Variants in GFRA1 observed in about 807,000 individuals in gnomAD.
GFRA1 encodes the protein GDNF family receptor alpha-1.
GFRA1 carries 16 observed loss-of-function variants against 51.6 expected under a neutral mutation model. The observed-to-expected ratio is 0.31, with a 90% CI of 0.21 to 0.47. The LOEUF (loss-of-function observed/expected upper bound fraction) is 0.47, where lower values mean the gene tolerates loss of function less well. GFRA1 is among the 20% of genes least tolerant of loss of function. The pLI, the probability that GFRA1 is intolerant of heterozygous loss-of-function variation, is 1.00. For synonymous variants in GFRA1, 270 were observed against 241.3 expected (o/e 1.12, Z -1.10); for missense variants, 530 against 594.3 (o/e 0.89, Z 1.13).
rs139810181 is a variant in GFRA1, at chr10:116,195,729, G to A, written c.433+15902C>T. ...AAACTGATTGCTATATCAGGGAAAG[G>A]TAAGAGAAATCAGCATTTGGGCACT... is the stretch of plus-strand genomic sequence containing the variant. On this transcript the variant is annotated intron_variant, in intron 5 of 10. Transcript: ENST00000355422. Among the ~76,000 whole-genome samples the A allele has an allele frequency of 2.2e-3, 337 of 152,296 alleles. 1 individual carries two copies. Among genetic ancestry groups the A allele is most frequent in the Admixed American group, 4.5e-3 (69 of 15,302 alleles).
At chr10:116,067,614 T>G (rs1285883962) in intron 9 of GFRA1, among the ~76,000 whole-genome samples, 1 of 152,202 alleles carries the variant, frequency 6.6e-6, no homozygotes, top group African/African-American at 2.4e-5. Context: ...TGACACTCAT[T>G]AGCTATACTG....
At chr10:116,164,635 A>G (rs1299016591) in intron 5 of GFRA1, among the ~76,000 whole-genome samples, 2 of 152,194 alleles carry the variant, frequency 1.3e-5, no homozygotes, top group African/African-American at 4.8e-5. Flanking sequence ...GCCAGATCCT[A>G]TTTAATATAC....
At chr10:116,191,352 ACCATATGTTG>A (rs1038134106) in intron 5 of GFRA1, among the ~76,000 whole-genome samples, 8 of 152,214 alleles carry the variant, frequency 5.3e-5, no homozygotes, top group African/African-American at 1.9e-4. Flanking sequence ...ATACATTTTC[ACCATATGTTG>A]CCAAATAAGA....
intron 4 of GFRA1, among the ~76,000 whole-genome samples, chr10:116,230,508 A>G (rs1966608721): frequency 6.6e-6 from 1 of 152,222 alleles, no homozygotes. Context: ...CAGGGAAGAC[A>G]CACACATATA....
At chr10:116,131,194 G>GC (rs1233518600) in intron 5 of GFRA1, among the ~76,000 whole-genome samples, 3 of 152,122 alleles carry the variant, frequency 2.0e-5, no homozygotes, top group Non-Finnish European at 2.9e-5. Context: ...TCAGAGAAAT[G>GC]CAAAATGAAA....
chr10:116,267,358 C>G (rs747794852), intron 4 of GFRA1, among the ~76,000 whole-genome samples: 1 of 151,836 alleles, frequency 6.6e-6, no homozygotes, highest in Non-Finnish European at 1.5e-5. Context: ...CCCAGCTACT[C>G]GGGAGGCTGA....
At chr10:116,256,502 A>G (rs1185913026) in intron 4 of GFRA1, among the ~76,000 whole-genome samples, 1 of 152,124 alleles carries the variant, frequency 6.6e-6, no homozygotes. Context: ...ATAACATAGC[A>G]TGGGTGCAGG....
intron 5 of GFRA1, among the ~76,000 whole-genome samples, chr10:116,205,585 GAAA>G (rs57517925): frequency 1.6e-5 from 2 of 121,916 alleles, no homozygotes; most frequent in East Asian, 2.7e-4. Flanking sequence ...AAAAAGAAAG[GAAA>G]AAAAAAAGAT....
chr10:116,142,691 AT>A, intron 5 of GFRA1, among the ~76,000 whole-genome samples: 1 of 152,330 alleles, frequency 6.6e-6, no homozygotes, highest in Admixed American at 6.5e-5. Flanking sequence ...TAACTGATGT[AT>A]TTTTAAAGAG....
intron 5 of GFRA1, among the ~76,000 whole-genome samples, chr10:116,195,255 T>C (rs573462561): frequency 1.3e-5 from 2 of 152,332 alleles, no homozygotes; most frequent in South Asian, 2.1e-4. Flanking sequence ...ACTATCTTTT[T>C]TGTTATGCTT....
At chr10:116,074,677 C>T (rs753446984) in intron 9 of GFRA1, among the ~76,000 whole-genome samples, 22 of 152,172 alleles carry the variant, frequency 1.4e-4, no homozygotes, top group Non-Finnish European at 2.2e-4. Flanking sequence ...GACTCAGTGC[C>T]CACTGTCTTG....
intron 4 of GFRA1, among the ~76,000 whole-genome samples, chr10:116,226,335 T>C (rs1417134824): frequency 6.6e-6 from 1 of 152,176 alleles, no homozygotes; most frequent in Non-Finnish European, 1.5e-5. Flanking sequence ...CAGAAAACGA[T>C]GACTGCACCC....
intron 4 of GFRA1, among the ~76,000 whole-genome samples, chr10:116,264,751 G>A (rs575440316): frequency 2.4e-4 from 36 of 152,324 alleles, no homozygotes; most frequent in Admixed American, 6.5e-4. Flanking sequence ...GTGGAGATGG[G>A]GTGTGGGGCT....
intron 5 of GFRA1, among the ~76,000 whole-genome samples, chr10:116,188,734 C>A (rs1277231308): frequency 1.3e-5 from 2 of 151,408 alleles, no homozygotes; most frequent in Non-Finnish European, 2.9e-5. Flanking sequence ...TGAAACCCTG[C>A]TAAAAATACA....
intron 4 of GFRA1, among the ~76,000 whole-genome samples, chr10:116,220,399 G>T (rs1254007677): frequency 6.6e-6 from 1 of 152,182 alleles, no homozygotes; most frequent in Admixed American, 6.5e-5. Flanking sequence ...GTGTGATCCA[G>T]GTTTTAATCA....
intron 6 of GFRA1, among the ~76,000 whole-genome samples, chr10:116,113,411 CAA>C (rs1456670823): frequency 6.6e-6 from 1 of 152,038 alleles, no homozygotes; most frequent in Non-Finnish European, 1.5e-5. Flanking sequence ...GTCCAGAAAC[CAA>C]AAAGTTTGAA....
intron 8 of GFRA1, among the ~76,000 whole-genome samples, chr10:116,091,523 C>A (rs979979258): frequency 6.6e-6 from 1 of 152,162 alleles, no homozygotes; most frequent in African/African-American, 2.4e-5. Context: ...TGAGTGAAAG[C>A]CACTGATATC....
intron 6 of GFRA1, among the ~76,000 whole-genome samples, chr10:116,122,332 G>A (rs941272878): frequency 3.3e-5 from 5 of 152,208 alleles, no homozygotes; most frequent in Admixed American, 6.5e-5. Context: ...CAGGAAGATC[G>A]GGCAAAGTCA....
chr10:116,182,813 G>A (rs1962360441), intron 5 of GFRA1, among the ~76,000 whole-genome samples: 1 of 152,212 alleles, frequency 6.6e-6, no homozygotes, highest in South Asian at 2.1e-4. Context: ...CAAAGCCCAG[G>A]TCTGAAAGTT....
Sources: allele counts gnomAD v4.1 joint callset (sites outside exome capture counted in the v4.1 genomes callset), GRCh38; gene constraint gnomAD v4.1.1; transcripts MANE v1.5; gene names NCBI Gene and HGNC (gene_info 2026-07-23, HGNC 2026-07-21).